The following FUT8 variants were observed in gnomAD, a reference collection of about 807,000 sequenced individuals.
The protein encoded by FUT8 is alpha-(1,6)-fucosyltransferase.
A neutral mutation model predicts 71.3 loss-of-function variants in FUT8; 29 were observed. That is an observed-to-expected ratio of 0.41 (90% CI 0.30 to 0.55). The LOEUF (loss-of-function observed/expected upper bound fraction) is 0.55, where lower values mean the gene tolerates loss of function less well. Ranked by LOEUF, FUT8 falls within the 20% of genes least tolerant of loss-of-function variation. The pLI is 0.34. For synonymous variants in FUT8, 254 were observed against 239.3 expected, an observed-to-expected ratio of 1.06 and a Z score of -0.57; for missense variants, 544 against 702.1, an observed-to-expected ratio of 0.77 and a Z score of 2.55.
chr14:65,666,138 T>C (rs1892203291), intron 6 of FUT8, among the ~76,000 whole-genome samples: 1 of 152,142 alleles, frequency 6.6e-6, no homozygotes, highest in Non-Finnish European at 1.5e-5. Context: ...ATTTTTTAAA[T>C]GTAACTGCTT....
the FUT8 span, among the ~76,000 whole-genome samples, chr14:65,377,444 T>G: frequency 5.3e-5 from 8 of 152,208 alleles, no homozygotes; most frequent in Admixed American, 3.9e-4. Flanking sequence ...AAATGGGCAT[T>G]CTGTGTTAAA....
intron 7 of FUT8, among the ~76,000 whole-genome samples, chr14:65,681,390 G>A (rs1176680623): frequency 6.6e-6 from 1 of 152,170 alleles, no homozygotes; most frequent in African/African-American, 2.4e-5. Flanking sequence ...TTTTAAAAAT[G>A]TGATGGCCTT....
chr14:65,634,465 C>T (rs903410226), intron 6 of FUT8, among the ~76,000 whole-genome samples: 3 of 151,668 alleles, frequency 2.0e-5, no homozygotes, highest in African/African-American at 7.3e-5. Flanking sequence ...AAACCAGAGA[C>T]CTTTGTTCAC....
At chr14:65,702,548 G>T (rs1048855604) in intron 7 of FUT8, among the ~76,000 whole-genome samples, 1 of 152,104 alleles carries the variant, frequency 6.6e-6, no homozygotes, top group African/African-American at 2.4e-5. Context: ...TTATAGCATG[G>T]CTCATTGAGA....
chr14:65,696,396 T>A (rs1893998693), intron 7 of FUT8, among the ~76,000 whole-genome samples: 1 of 152,162 alleles, frequency 6.6e-6, no homozygotes, highest in African/African-American at 2.4e-5. Flanking sequence ...CTCTTCTTGC[T>A]TGCATGATTC....
intron 6 of FUT8, among the ~76,000 whole-genome samples, chr14:65,644,452 C>T (rs973719152): frequency 2.6e-5 from 4 of 151,906 alleles, no homozygotes; most frequent in Admixed American, 6.6e-5. Context: ...CACCGCCTCC[C>T]GGGTTCACGC....
chr14:65,583,098 A>G (rs1458845330), intron 3 of FUT8, among the ~76,000 whole-genome samples: 1 of 152,150 alleles, frequency 6.6e-6, no homozygotes, highest in East Asian at 1.9e-4. Flanking sequence ...ATCTTTTTTT[A>G]GAAAAAGATT....
At chr14:65,481,083 C>CT (rs1566775267) in intron 2 of FUT8, among the ~76,000 whole-genome samples, 2 of 152,078 alleles carry the variant, frequency 1.3e-5, no homozygotes, top group African/African-American at 4.8e-5. Flanking sequence ...GCACAGGGTT[C>CT]TAATTTCAGC....
At chr14:65,382,846 T>C in the FUT8 span, among the ~76,000 whole-genome samples, 197 of 152,344 alleles carry the variant, frequency 1.3e-3, no homozygotes, top group Non-Finnish European at 1.5e-3. Context: ...TCAGTCTAAA[T>C]GCTCTGTAGT....
rs565321387 is a variant in FUT8 at position 65,627,824 on chromosome 14, G to A, written c.483-1668G>A. Among the ~76,000 whole-genome samples the A allele has an allele frequency of 5.3e-5, 8 of 152,252 alleles. No homozygotes were observed. The highest frequency in any genetic ancestry group is 4.1e-4 in the South Asian group (2 of 4,820). Reference sequence around the variant, plus strand: ...TTTTCTATCTATTTAGGAGACTGCCGTTCCCTGGCACCAGCTGTGACTAGT... The same window carrying A: ...TTTTCTATCTATTTAGGAGACTGCCATTCCCTGGCACCAGCTGTGACTAGT... On this transcript the variant is annotated intron_variant, in intron 5 of 10. Coordinates refer to ENST00000673929, the MANE Select transcript of FUT8 (RefSeq NM_001371533.1). This position sits in a 1 kb window ranked among gnomAD's most constrained non-coding sequence, Gnocchi z 4.0.
chr14:65,573,120 G>A (rs1886575618), intron 3 of FUT8, among the ~76,000 whole-genome samples: 1 of 152,104 alleles, frequency 6.6e-6, no homozygotes, highest in Non-Finnish European at 1.5e-5. Flanking sequence ...GCTCAGTGGG[G>A]AGGGATAGAG....
At chr14:65,449,504 C>A (rs147189221) in intron 1 of FUT8, among the ~76,000 whole-genome samples, 83 of 152,298 alleles carry the variant, frequency 5.4e-4, no homozygotes, top group African/African-American at 1.9e-3. Flanking sequence ...ATCAACACTA[C>A]AGAGAAAGGA....
At chr14:65,596,376 C>G (rs1393047478) in intron 3 of FUT8, among the ~76,000 whole-genome samples, 1 of 152,126 alleles carries the variant, frequency 6.6e-6, no homozygotes, top group Admixed American at 6.5e-5. Context: ...TTGACAGCAG[C>G]AATATTCACT....
chr14:65,539,453 T>C lies in FUT8; in HGVS notation c.-227-21884T>C, dbSNP rs549481147. On this transcript the variant is annotated intron_variant, in intron 2 of 10. Transcript: ENST00000673929. ...TTAACCTTTTGTGTTTTACCTGATA[T>C]TAGCATAGTTCAGTAGTTGAGTGGA... Among the ~76,000 whole-genome samples, 11 of 152,334 alleles carry C rather than the reference T, an allele frequency of 7.2e-5. No individual in the cohort carries two copies. The South Asian group carries it at 1.7e-3, about 23-fold the overall frequency.
chr14:65,693,414 G>C (rs1331514056), intron 7 of FUT8, among the ~76,000 whole-genome samples: 1 of 152,202 alleles, frequency 6.6e-6, no homozygotes, highest in East Asian at 1.9e-4. Flanking sequence ...GGCTGAGGCA[G>C]GAGAATCAGG....
chr14:65,660,994 C>T lies in FUT8; in HGVS notation c.598-8249C>T, dbSNP rs781575690. Among the ~76,000 whole-genome samples the T allele has an allele frequency of 6.6e-6, 1 of 152,096 alleles. No individual in the cohort carries two copies. On this transcript the variant is annotated intron_variant, in intron 6 of 10. Coordinates refer to ENST00000673929, the MANE Select transcript of FUT8 (RefSeq NM_001371533.1). The surrounding 1 kb of genome is among the most constrained non-coding windows in gnomAD (Gnocchi z 4.1). ...GCTAGATATTGCAAATCTTTTTAAA[C>T]AAATAAAAACTGTTTAGTCTTCTGA...
intron 2 of FUT8, among the ~76,000 whole-genome samples, chr14:65,536,331 G>C (rs1884310377): frequency 1.3e-5 from 2 of 152,032 alleles, no homozygotes; most frequent in South Asian, 4.2e-4. Flanking sequence ...TTGTTTGTGT[G>C]GTTGCTTTAT....
chr14:65,632,734 A>G (rs1411116862), intron 6 of FUT8, among the ~76,000 whole-genome samples: 1 of 151,874 alleles, frequency 6.6e-6, no homozygotes, highest in Non-Finnish European at 1.5e-5. Flanking sequence ...CCTCTGAGCT[A>G]TTTATCTTTG....
chr14:65,470,631 G>C (rs529529993), intron 2 of FUT8, among the ~76,000 whole-genome samples: 11 of 152,274 alleles, frequency 7.2e-5, no homozygotes, highest in South Asian at 2.1e-4. Flanking sequence ...CCTGGCTGTT[G>C]GGAGTGGCAG....
Sources: allele counts gnomAD v4.1 joint callset (sites outside exome capture counted in the v4.1 genomes callset), GRCh38; gene constraint gnomAD v4.1.1; non-coding constraint Gnocchi (gnomAD v3.1); transcripts MANE v1.5; gene names NCBI Gene and HGNC (gene_info 2026-07-23, HGNC 2026-07-21).